Variants in SMARCC1 observed in about 807,000 individuals in gnomAD.
The protein encoded by SMARCC1 is SWI/SNF complex subunit SMARCC1.
A neutral mutation model predicts 147.4 loss-of-function variants in SMARCC1; 43 were observed. That is an observed-to-expected ratio of 0.29 (90% confidence interval 0.23 to 0.38). SMARCC1 has a LOEUF of 0.38. Among genes scored for constraint, SMARCC1 ranks in the 10% least tolerant of loss-of-function variants. The pLI, the probability that SMARCC1 is intolerant of heterozygous loss-of-function variation, is 1.00. For missense variants in SMARCC1, 1,119 were observed against 1,381.1 expected, an observed-to-expected ratio of 0.81 and a Z score of 3.01; for synonymous variants, 495 against 484.4, an observed-to-expected ratio of 1.02 and a Z score of -0.29.
intron 2 of SMARCC1, among the ~76,000 whole-genome samples, chr3:47,755,819 G>A (rs112345627): frequency 0.045 from 6,747 of 151,322 alleles, 232 homozygotes; most frequent in Non-Finnish European, 0.059. Flanking sequence ...GGTGAAACAC[G>A]TCTCTACTAA....
chr3:47,700,327 T>C (rs2033901064), intron 11 of SMARCC1, among the ~76,000 whole-genome samples: 1 of 152,198 alleles, frequency 6.6e-6, no homozygotes, highest in Non-Finnish European at 1.5e-5. Flanking sequence ...AGTCTCTTAT[T>C]TACAAGCTGC....
At chr3:47,734,618 G>A (rs995475109) in intron 5 of SMARCC1, among the ~76,000 whole-genome samples, 74 of 152,212 alleles carry the variant, frequency 4.9e-4, no homozygotes, top group African/African-American at 1.8e-3. Flanking sequence ...CTATGTGATG[G>A]GCTTAATTAC....
intron 2 of SMARCC1, among the ~76,000 whole-genome samples, chr3:47,768,989 C>T (rs1384427508): frequency 1.3e-5 from 2 of 151,988 alleles, no homozygotes; most frequent in Admixed American, 1.3e-4. Flanking sequence ...GTGGGCAGAT[C>T]ACCTGAGGTC....
rs370015167 is a variant in SMARCC1, at chr3:47,662,468, T to A, written c.2024A>T (p.Asp675Val). 15 of 1,614,040 alleles carry A rather than the reference T, an allele frequency of 9.3e-6. No homozygotes were observed. In the African/African-American group the frequency reaches 2.0e-4, roughly 22 times the overall value. ...GTAGGCCAAAGGCCCAAGGGAAGCA[T>A]CTGAATTCTCAAGGTATGGGTCCTC... The part of the protein sequence containing the change: ...PIEDPYLENS[D>V]ASLGPLAYQP... Residue 675 changes from aspartate to valine, a missense_variant, in exon 20 of 28, where the codon GAT becomes GTT. Asp to Val is a radical substitution (Grantham distance 152). Transcript: ENST00000254480.
chr3:47,696,770 G>T (rs566517552), intron 11 of SMARCC1, among the ~76,000 whole-genome samples: 2 of 152,104 alleles, frequency 1.3e-5, no homozygotes, highest in South Asian at 2.1e-4. Flanking sequence ...TGATCCACCC[G>T]CCTTGACCTC....
intron 3 of SMARCC1, among the ~76,000 whole-genome samples, chr3:47,738,791 A>C (rs1015446810): frequency 3.3e-5 from 5 of 152,236 alleles, no homozygotes; most frequent in Admixed American, 3.3e-4. Context: ...CTTGTGATTT[A>C]AACAGACAAG....
In SMARCC1 at chr3:47,680,579, G is replaced by A. The variant is rs546742017; in HGVS notation, c.1386-71C>T. On this transcript the variant is annotated intron_variant, in intron 14 of 27. Transcript: ENST00000254480. The stretch of plus-strand genomic sequence containing the variant: ...TTTTTTTTTTTTGAGACGGAGTCTC[G>A]CTCTGTCGCCCAGGCTGGAGTGCAG... 1.3e-4 allele frequency: 112 copies of A among 866,702 alleles called. No homozygotes were observed. The African/African-American group carries it at 1.9e-3, about 15-fold the overall frequency. 53.7% of individuals were successfully genotyped at this position (866,702 alleles called of 1,614,324 possible).
intron 13 of SMARCC1, among the ~76,000 whole-genome samples, chr3:47,689,158 G>A (rs1391224405): frequency 1.3e-5 from 2 of 152,024 alleles, no homozygotes; most frequent in Admixed American, 6.6e-5. Flanking sequence ...GTTACAGTGA[G>A]AACCAACAGC....
intron 2 of SMARCC1, among the ~76,000 whole-genome samples, chr3:47,752,478 T>C (rs920153138): frequency 1.3e-5 from 2 of 152,136 alleles, no homozygotes; most frequent in African/African-American, 4.8e-5. Context: ...TTAATTCGTA[T>C]TGGAAAACCT....
chr3:47,722,675 T>C (rs945879698), intron 6 of SMARCC1, among the ~76,000 whole-genome samples: 1 of 152,160 alleles, frequency 6.6e-6, no homozygotes, highest in African/African-American at 2.4e-5. Flanking sequence ...ACAAAAGGTG[T>C]GAGATGTAAG....
At chr3:47,608,224 A>C (rs2032509379) in intron 26 of SMARCC1, among the ~76,000 whole-genome samples, 1 of 152,122 alleles carries the variant, frequency 6.6e-6, no homozygotes, top group Non-Finnish European at 1.5e-5. Flanking sequence ...AGTAGATGGG[A>C]CTGCAGATGT....
intron 3 of SMARCC1, among the ~76,000 whole-genome samples, chr3:47,745,465 C>T (rs1346577113): frequency 6.6e-6 from 1 of 152,062 alleles, no homozygotes; most frequent in African/African-American, 2.4e-5. Flanking sequence ...GTAATCCCAG[C>T]ACTTTGGGAG....
intron 12 of SMARCC1, among the ~76,000 whole-genome samples, chr3:47,691,622 AAAAC>A (rs2033790215): frequency 2.6e-5 from 4 of 152,104 alleles, no homozygotes. Context: ...CTCAAAACAA[AAAAC>A]AAAATACAAC....
At chr3:47,753,336 A>AG (rs1253067601) in intron 2 of SMARCC1, among the ~76,000 whole-genome samples, 2 of 151,326 alleles carry the variant, frequency 1.3e-5, no homozygotes, top group Admixed American at 1.3e-4. Flanking sequence ...AAAAAAAAAA[A>AG]AAAAAGAAGA....
At chr3:47,704,096 C>T (rs1489208906) in intron 10 of SMARCC1, among the ~76,000 whole-genome samples, 1 of 152,276 alleles carries the variant, frequency 6.6e-6, no homozygotes, top group African/African-American at 2.4e-5. Flanking sequence ...CTGCACCCGG[C>T]CTTTATTTAT....
intron 11 of SMARCC1, among the ~76,000 whole-genome samples, chr3:47,694,776 T>C (rs1294098543): frequency 6.6e-6 from 1 of 152,232 alleles, no homozygotes; most frequent in African/African-American, 2.4e-5. Flanking sequence ...ACTTGCATAT[T>C]CTTAAGTGAG....
chr3:47,620,759 A>G (rs2032719484), intron 25 of SMARCC1, among the ~76,000 whole-genome samples: 2 of 152,212 alleles, frequency 1.3e-5, no homozygotes, highest in Non-Finnish European at 2.9e-5. Flanking sequence ...AGAAAGCCCA[A>G]GGATGGATCT....
At chr3:47,671,197 A>AAAAAAAAACAC (rs1157129603) in intron 18 of SMARCC1, among the ~76,000 whole-genome samples, 8 of 62,256 alleles carry the variant, frequency 1.3e-4, no homozygotes, top group Non-Finnish European at 3.3e-4. Flanking sequence ...AAAAAAAAAA[A>AAAAAAAAACAC]ACACACACAA....
At chr3:47,677,336 G>C (rs989238866) in intron 16 of SMARCC1, among the ~76,000 whole-genome samples, 1 of 151,256 alleles carries the variant, frequency 6.6e-6, no homozygotes, top group Non-Finnish European at 1.5e-5. Context: ...CCTGACCTCA[G>C]GTGATCTACC....
Sources: gnomAD v4.1 joint callset for allele counts (sites outside exome capture counted in the v4.1 genomes callset) on GRCh38, gnomAD v4.1.1 for gene constraint, MANE v1.5 for transcripts, NCBI Gene and HGNC (gene_info 2026-07-23, HGNC 2026-07-21) for gene names.